ZNF391: variants seen among roughly 807,000 people sequenced by gnomAD.
The protein encoded by ZNF391 is zinc finger protein 391.
For synonymous variants in ZNF391, 126 were observed against 142.1 expected (o/e 0.89, Z 0.80); for missense variants, 375 against 425.5 (o/e 0.88, Z 1.04).
upstream of ZNF391, among the ~76,000 whole-genome samples, chr6:27,387,688 A>G (rs1761607027): frequency 6.6e-6 from 1 of 152,174 alleles, no homozygotes; most frequent in Non-Finnish European, 1.5e-5. Context: ...GAACAGGCAA[A>G]TTCATAGAAA....
chr6:27,390,612 A>G (rs1021502460), intron 1 of ZNF391, among the ~76,000 whole-genome samples: 15 of 152,124 alleles, frequency 9.9e-5, no homozygotes, highest in African/African-American at 3.6e-4. Flanking sequence ...TTCCCATCTT[A>G]CATACATCCT....
In ZNF391 at chr6:27,389,146, T is replaced by G. The variant is rs10807021; in HGVS notation, c.-188+71T>G. On this transcript the variant is annotated intron_variant, in intron 1 of 2. Transcript: ENST00000244576. ...GAAGGAAACGGGCGAAAGGGTCGCGTGTGGTTTGGCTGCAGGTCGGGTCAG... is the reference window on the plus strand; with the variant it reads ...GAAGGAAACGGGCGAAAGGGTCGCGGGTGGTTTGGCTGCAGGTCGGGTCAG... The G allele has an allele frequency of 0.73, 332,759 of 456,302 alleles. 122,157 individuals carry two copies. The highest frequency in any genetic ancestry group is 0.8 in the Middle Eastern group (2,447 of 3,076). 28.3% of individuals were successfully genotyped at this position (456,302 alleles called of 1,614,324 possible). A position where few individuals can be genotyped will look rare whatever the true frequency, so the allele number is the denominator to read the frequency against.
At chr6:27,398,877 CAA>C (rs35101227) in intron 1 of ZNF391, among the ~76,000 whole-genome samples, 9,854 of 144,144 alleles carry the variant, frequency 0.068, 466 homozygotes, top group Non-Finnish European at 0.11. Flanking sequence ...CAAAACAAAA[CAA>C]GAGTCATCTG....
intron 1 of ZNF391, among the ~76,000 whole-genome samples, chr6:27,380,579 G>A (rs553288763): frequency 2.0e-5 from 3 of 152,282 alleles, no homozygotes; most frequent in African/African-American, 7.2e-5. Flanking sequence ...CTGCTGGCTC[G>A]GGCAGCCTGC....
At chr6:27,383,752 G>A (rs1434251538) in intron 1 of ZNF391, among the ~76,000 whole-genome samples, 1 of 152,130 alleles carries the variant, frequency 6.6e-6, no homozygotes, top group Admixed American at 6.5e-5. Flanking sequence ...GAGGGGTAGG[G>A]TTTCAACTTA....
At chr6:27,384,738 C>T (rs1761559987), upstream of ZNF391, among the ~76,000 whole-genome samples, 1 of 152,182 alleles carries the variant, frequency 6.6e-6, no homozygotes, top group Non-Finnish European at 1.5e-5. Context: ...TTGTTATTGG[C>T]CAGGTGCTGT....
chr6:27,379,290 G>C (rs1307215162), intron 1 of ZNF391, among the ~76,000 whole-genome samples: 3 of 152,140 alleles, frequency 2.0e-5, no homozygotes, highest in Non-Finnish European at 4.4e-5. Flanking sequence ...TGTTACACTT[G>C]TTGCAGTGCC....
chr6:27,400,569 C>T lies in ZNF391; in HGVS notation c.199C>T (p.Leu67=), dbSNP rs149871279. Residue 67 remains leucine, a synonymous_variant, in exon 3 of 3, where the codon CTA becomes TTA. Transcript: ENST00000244576. ...EEGPESSEFS[L]SPNLDAQQKI... is the part of the protein sequence containing the mutation. ...AGGCCCTGAATCCAGTGAATTTAGTCTAAGCCCAAACCTTGACGCACAACA... is the reference window on the plus strand; with the variant it reads ...AGGCCCTGAATCCAGTGAATTTAGTTTAAGCCCAAACCTTGACGCACAACA... 289 of 1,614,182 alleles carry T rather than the reference C, an allele frequency of 1.8e-4. 1 individual carries two copies. The African/African-American group carries it at 3.2e-3, about 18-fold the overall frequency.
chr6:27,375,362 G>A (rs1761401100), intron 1 of ZNF391, among the ~76,000 whole-genome samples: 2 of 152,200 alleles, frequency 1.3e-5, no homozygotes, highest in Admixed American at 1.3e-4. Flanking sequence ...CGGCTGGAGA[G>A]TCTGATCTAT....
intron 1 of ZNF391, among the ~76,000 whole-genome samples, chr6:27,379,068 T>A (rs1416318955): frequency 6.6e-6 from 1 of 152,262 alleles, no homozygotes; most frequent in African/African-American, 2.4e-5. Flanking sequence ...AAAACCAGCA[T>A]TACTGACCTT....
intron 1 of ZNF391, among the ~76,000 whole-genome samples, chr6:27,390,117 A>C (rs1002401643): frequency 2.0e-5 from 3 of 152,250 alleles, no homozygotes; most frequent in African/African-American, 7.2e-5. Context: ...CAATCAACCT[A>C]GTGCCACAAA....
upstream of ZNF391, among the ~76,000 whole-genome samples, chr6:27,384,029 T>C (rs1168094858): frequency 1.3e-5 from 2 of 152,158 alleles, no homozygotes; most frequent in Admixed American, 1.3e-4. Flanking sequence ...CCTTCAAAAG[T>C]TGAGGAAAAA....
rs960609916 is a variant in ZNF391 at position 27,399,563 on chromosome 6, A to T, written c.-79+13A>T. Reference sequence around the variant, plus strand: ...AATACCTGTCTTGGTGAGTAGTGTCATAAGAAGACCAGCAATTTGATGTTG... The same window carrying T: ...AATACCTGTCTTGGTGAGTAGTGTCTTAAGAAGACCAGCAATTTGATGTTG... On this transcript the variant is annotated intron_variant, in intron 2 of 2. Transcript: ENST00000244576. The T allele has an allele frequency of 2.0e-5, 3 of 152,350 alleles. No homozygotes were observed. In the South Asian group the frequency reaches 6.2e-4, roughly 32 times the overall value. The allele number at this position is 152,350 out of a possible 1,614,324, so 9.4% of individuals were successfully genotyped here.
intron 1 of ZNF391, among the ~76,000 whole-genome samples, chr6:27,392,881 C>T (rs1761744828): frequency 6.6e-6 from 1 of 152,150 alleles, no homozygotes; most frequent in Non-Finnish European, 1.5e-5. Flanking sequence ...TTTTGTATTG[C>T]AGGAATAATA....
At position 27,400,320 on chromosome 6, in the gene ZNF391, A is replaced by G. The variant is rs1199255678; in HGVS notation, c.-51A>G. ...AGGGGGATTTGAGCTGAACCAAAGC[A>G]TCAACACCAATCAGACTGTTTCCGA... On this transcript the variant is annotated 5_prime_UTR_variant, in exon 3 of 3. Transcript: ENST00000244576. 2 of 1,443,724 alleles carry G rather than the reference A, an allele frequency of 1.4e-6. No homozygotes were observed. The highest frequency in any genetic ancestry group is 1.9e-6 in the Non-Finnish European group (2 of 1,061,826). 89.4% of individuals were successfully genotyped at this position (1,443,724 alleles called of 1,614,324 possible). A position where few individuals can be genotyped will look rare whatever the true frequency, so the allele number is the denominator to read the frequency against.
At position 27,400,631 on chromosome 6, in the gene ZNF391, G is replaced by A. The variant is rs759876623; in HGVS notation, c.261G>A (p.Arg87=). The change falls in exon 3 of 3, where the codon AGG becomes AGA. Residue 87 remains arginine, a synonymous_variant. Transcript: ENST00000244576. ...AGGGACATGGATCCCCAATATCTAG[G>A]AAAAACTCCAAAGATAATTCAGACT... is the stretch of plus-strand genomic sequence containing the variant. ...IPKGHGSPIS[R]KNSKDNSDLI... 1.2e-6 allele frequency: 2 copies of A among 1,614,118 alleles called. No homozygotes were observed. The highest frequency in any genetic ancestry group is 3.3e-5 in the Admixed American group (2 of 60,028).
rs374936870 is a variant in ZNF391, at chr6:27,401,332, T to C, written c.962T>C (p.Ile321Thr). Reference sequence around the variant, plus strand: ...GGCTTCAGTCGAAGCTCATCCCTTATTATTCATCAGAGAACTCATACCGGG... The same window carrying C: ...GGCTTCAGTCGAAGCTCATCCCTTACTATTCATCAGAGAACTCATACCGGG... ...GKGFSRSSSL[I>T]IHQRTHTGEK... Residue 321 changes from isoleucine to threonine, a missense_variant, in exon 3 of 3, where the codon ATT (isoleucine) becomes ACT (threonine). Ile to Thr is a moderately conservative substitution (Grantham distance 89). Transcript: ENST00000244576. The C allele has an allele frequency of 3.9e-5, 63 of 1,613,964 alleles. No homozygotes were observed. Among genetic ancestry groups the C allele is most frequent in the Middle Eastern group, 1.6e-4 (1 of 6,082 alleles).
chr6:27,401,245 T>G lies in ZNF391; in HGVS notation c.875T>G (p.Leu292Arg). Residue 292 changes from leucine to arginine, a missense_variant, in exon 3 of 3, where the codon CTT becomes CGT. Physicochemically the swap from Leu to Arg is moderately radical, Grantham distance 102. Transcript: ENST00000244576. Reference sequence around the variant, plus strand: ...AAAGTGTTCAGTCGAAGCTCGTCTCTTACAGAACATCAGAGAATCCACAGT... The same window carrying G: ...AAAGTGTTCAGTCGAAGCTCGTCTCGTACAGAACATCAGAGAATCCACAGT... Reference protein sequence around the residue: ...CGKVFSRSSSLTEHQRIHSGE... With the variant: ...CGKVFSRSSSRTEHQRIHSGE... 1.2e-6 allele frequency: 2 copies of G among 1,614,176 alleles called. No individual in the cohort carries two copies. Among genetic ancestry groups the G allele is most frequent in the South Asian group, 1.1e-5 (1 of 91,084 alleles).
In ZNF391 at chr6:27,400,311, A is replaced by G. The variant is rs564599302; in HGVS notation, c.-60A>G. The stretch of plus-strand genomic sequence containing the variant: ...CTTTCAGATAGGGGGATTTGAGCTG[A>G]ACCAAAGCATCAACACCAATCAGAC... On this transcript the variant is annotated 5_prime_UTR_variant, in exon 3 of 3. Transcript: ENST00000244576. The G allele has an allele frequency of 1.4e-6, 2 of 1,379,904 alleles. No individual in the cohort carries two copies. The highest frequency in any genetic ancestry group is 2.3e-5 in the East Asian group (1 of 43,534). The allele number at this position is 1,379,904 out of a possible 1,614,324, so 85.5% of individuals were successfully genotyped here.
Sources: allele counts gnomAD v4.1 joint callset (sites outside exome capture counted in the v4.1 genomes callset), GRCh38; gene constraint gnomAD v4.1.1; transcripts MANE v1.5; gene names NCBI Gene and HGNC (gene_info 2026-07-23, HGNC 2026-07-21).